The following CCNK variants were observed in gnomAD, a reference collection of about 807,000 sequenced individuals.
The protein encoded by CCNK is cyclin K.
CCNK carries 9 observed loss-of-function variants against 65.0 expected under a neutral mutation model. The observed-to-expected ratio is 0.14, with a 90% CI of 0.08 to 0.24. The LOEUF is 0.24. Ranked by LOEUF, CCNK falls within the 10% of genes least tolerant of loss-of-function variation. CCNK has a pLI of 1.00. For synonymous variants in CCNK, 279 were observed against 270.8 expected (o/e 1.03, Z -0.30); for missense variants, 474 against 720.0 (o/e 0.66, Z 3.91).
Position 99,502,373 on chromosome 14 carries a change from G to A in CCNK, c.742G>A (p.Glu248Lys). The A allele has an allele frequency of 6.2e-7, 1 of 1,613,536 alleles. No individual in the cohort carries two copies. The highest frequency in any genetic ancestry group is 8.5e-7 in the Non-Finnish European group (1 of 1,179,716). Residue 248 changes from glutamate to lysine, a missense_variant, in exon 7 of 11, where the codon GAA becomes AAA. Glu to Lys is a moderately conservative substitution (Grantham distance 56). Coordinates refer to ENST00000389879, the MANE Select transcript of CCNK (RefSeq NM_001099402.2). ...FVQDVPVDVL[E>K]DICHQILDLY... is the part of the protein sequence containing the mutation. Reference sequence around the variant, plus strand: ...TCAAGATGTCCCGGTCGACGTTTTGGAAGGTACCAGGCATGCTAAGCGTTC... The same window carrying A: ...TCAAGATGTCCCGGTCGACGTTTTGAAAGGTACCAGGCATGCTAAGCGTTC...
intron 9 of CCNK, chr14:99,506,329 G>C (rs1377396518): frequency 2.6e-5 from 4 of 152,250 alleles, no homozygotes; most frequent in Non-Finnish European, 5.9e-5. Flanking sequence ...AGAAAAATAG[G>C]GTTCTTTTTC....
chr14:99,503,006 C>G (rs897973962), intron 8 of CCNK, 22 bp downstream of exon 8: 23 of 1,613,580 alleles, frequency 1.4e-5, no homozygotes, highest in Non-Finnish European at 1.8e-5. Context: ...AAAGCAGGCC[C>G]TGGGTAGAGC....
rs1438549026 is a variant in CCNK, at chr14:99,510,520, TCCC to T, written c.1485_1487del (p.Pro497del). 18 of 367,402 alleles carry T rather than the reference TCCC, an allele frequency of 4.9e-5. No individual in the cohort carries two copies. The East Asian group carries it at 2.2e-3, about 46-fold the overall frequency. The allele number at this position is 367,402 out of a possible 1,614,324, so 22.8% of individuals were successfully genotyped here. A position where few individuals can be genotyped will look rare whatever the true frequency, so the allele number is the denominator to read the frequency against. On this transcript the variant is annotated inframe_deletion, in exon 11 of 11. Transcript: ENST00000389879. Reference sequence around the variant, plus strand: ...CCTGTGCCTCCTCCCCCAGCCTCCTTCCCCCCACCTGCCATCCCACCCCCTACT... The same window carrying T: ...CCTGTGCCTCCTCCCCCAGCCTCCTTCCCACCTGCCATCCCACCCCCTACT...
At position 99,492,653 on chromosome 14, in the gene CCNK, G is replaced by A; in HGVS notation, c.-25G>A. On this transcript the variant is annotated 5_prime_UTR_variant, in exon 2 of 11. Coordinates refer to ENST00000389879, the MANE Select transcript of CCNK (RefSeq NM_001099402.2). Reference sequence around the variant, plus strand: ...TTCTAACATTTTCAGAGAACCTTTTGGAAAGAACAAGCCTACTTCAATAAA... The same window carrying A: ...TTCTAACATTTTCAGAGAACCTTTTAGAAAGAACAAGCCTACTTCAATAAA... 1 of 1,567,742 alleles carries A rather than the reference G, an allele frequency of 6.4e-7. No homozygotes were observed. Among genetic ancestry groups the A allele is most frequent in the South Asian group, 1.2e-5 (1 of 83,232 alleles).
chr14:99,481,741 GCAGT>G (rs2139840788), intron 1 of CCNK: 1 of 364,168 alleles, frequency 2.7e-6, no homozygotes, highest in Non-Finnish European at 4.9e-6. Flanking sequence ...GCACTGGGGG[GCAGT>G]CAGAGTTGGG....
At position 99,502,305 on chromosome 14, in the gene CCNK, G is replaced by C; in HGVS notation, c.674G>C (p.Trp225Ser). The change falls in exon 7 of 11, where the codon TGG (tryptophan) becomes TCG (serine). Residue 225 changes from tryptophan (W) to serine (S), a missense_variant. Transcript: ENST00000389879. The part of the protein sequence containing the change: ...GRLCKFEIQE[W>S]TSKPMYRRWW... ...TTGTGCAAATTTGAAATACAAGAAT[G>C]GACCTCCAAACCCATGTATAGGAGA... 1 of 1,613,166 alleles carries C rather than the reference G, an allele frequency of 6.2e-7. No homozygotes were observed. The highest frequency in any genetic ancestry group is 8.5e-7 in the Non-Finnish European group (1 of 1,179,664).
chr14:99,501,787 G>A (rs1290888992), intron 6 of CCNK: 7 of 235,424 alleles, frequency 3.0e-5, no homozygotes, highest in Non-Finnish European at 5.7e-5. Flanking sequence ...ATCTAATGAG[G>A]GGCCGTGGTG....
chr14:99,491,209 G>A (rs942150009), intron 1 of CCNK, among the ~76,000 whole-genome samples: 1 of 152,158 alleles, frequency 6.6e-6, no homozygotes, highest in African/African-American at 2.4e-5. Flanking sequence ...TTGTTTCATA[G>A]TTGTGACATT....
At chr14:99,508,115 G>GT (rs1425345488) in intron 10 of CCNK, 7 of 152,224 alleles carry the variant, frequency 4.6e-5, no homozygotes, top group Non-Finnish European at 5.9e-5. Context: ...CTGTGTGCCC[G>GT]TAACAGATGT....
chr14:99,510,265 CTGTGCACCAGCCACCG>C lies in CCNK; in HGVS notation c.1227_1242del (p.Val410ArgfsTer15). ...ATTCCCCCTCCGGCCCACCCGGCCC[CTGTGCACCAGCCACCG>C]CCGCTGCCACACCGGCCCCCGCCCC... On this transcript the variant is annotated frameshift_variant, in exon 11 of 11. Coordinates refer to ENST00000389879, the MANE Select transcript of CCNK (RefSeq NM_001099402.2). LOFTEE classifies it high-confidence loss of function. 1 of 1,560,586 alleles carries C rather than the reference CTGTGCACCAGCCACCG, an allele frequency of 6.4e-7. No individual in the cohort carries two copies. Among genetic ancestry groups the C allele is most frequent in the Non-Finnish European group, 8.6e-7 (1 of 1,156,634 alleles).
rs770684214 is a variant in CCNK, at chr14:99,493,494, G to A, written c.198-20G>A. The stretch of plus-strand genomic sequence containing the variant: ...TAACCTGTAAAAGTTATTGGTTAGA[G>A]TCCTTAACCAGAACAACAGACACTA... On this transcript the variant is annotated intron_variant, in intron 2 of 10. Coordinates refer to ENST00000389879, the MANE Select transcript of CCNK (RefSeq NM_001099402.2). 1 of 1,551,944 alleles carries A rather than the reference G, an allele frequency of 6.4e-7. No homozygotes were observed. Among genetic ancestry groups the A allele is most frequent in the East Asian group, 2.2e-5 (1 of 44,494 alleles).
chr14:99,499,444 G>A (rs1185750102), intron 4 of CCNK, among the ~76,000 whole-genome samples: 1 of 152,176 alleles, frequency 6.6e-6, no homozygotes, highest in East Asian at 1.9e-4. Context: ...ATGTAATTTG[G>A]AATAATAATT....
At chr14:99,503,710 C>A in intron 9 of CCNK, 66 bp downstream of exon 9, 1 of 1,363,356 alleles carries the variant, frequency 7.3e-7, no homozygotes, top group Non-Finnish European at 1.0e-6. Context: ...AATTCTTAGC[C>A]AACATTGTTT....
intron 1 of CCNK, among the ~76,000 whole-genome samples, chr14:99,483,185 A>G (rs8015304): frequency 0.46 from 70,238 of 151,920 alleles, 17,231 homozygotes; most frequent in Non-Finnish European, 0.56. Context: ...TTGTTGGAAG[A>G]GCCAACAAGT....
intron 1 of CCNK, chr14:99,492,116 G>A (rs1896609805): frequency 6.6e-6 from 1 of 152,424 alleles, no homozygotes. Context: ...GATTTGTGCA[G>A]ATGTGAATTA....
At chr14:99,503,469 A>G (rs1179807340) in intron 8 of CCNK, 142 bp from the exon 9 acceptor site, 2 of 671,808 alleles carry the variant, frequency 3.0e-6, no homozygotes, top group Non-Finnish European at 5.2e-6. Flanking sequence ...GTTTGCCCTG[A>G]AAGTTCAGGC....
chr14:99,507,170 T>C, intron 10 of CCNK, 23 bp downstream of exon 10: 1 of 1,451,314 alleles, frequency 6.9e-7, no homozygotes, highest in Non-Finnish European at 9.7e-7. Flanking sequence ...TGAAGCAGCT[T>C]GGCCAGCTGT....
chr14:99,492,639 T>C lies in CCNK; in HGVS notation c.-39T>C. 1 of 1,542,658 alleles carries C rather than the reference T, an allele frequency of 6.5e-7. No homozygotes were observed. The highest frequency in any genetic ancestry group is 2.3e-5 in the East Asian group (1 of 43,900). On this transcript the variant is annotated 5_prime_UTR_variant, in exon 2 of 11. Coordinates refer to ENST00000389879, the MANE Select transcript of CCNK (RefSeq NM_001099402.2). Reference sequence around the variant, plus strand: ...TCTTTCTCATAGGATTCTAACATTTTCAGAGAACCTTTTGGAAAGAACAAG... The same window carrying C: ...TCTTTCTCATAGGATTCTAACATTTCCAGAGAACCTTTTGGAAAGAACAAG...
chr14:99,502,203 C>T lies in CCNK; in HGVS notation c.576-4C>T. On this transcript the variant is annotated splice_region_variant and splice_polypyrimidine_tract_variant and intron_variant, in intron 6 of 10. Transcript: ENST00000389879. ...TCTAACCTTTTTTTTTCTTGTTGAA[C>T]TAGTCTCTGCACCACCTTGTCACTG... 6 of 1,572,918 alleles carry T rather than the reference C, an allele frequency of 3.8e-6. No individual in the cohort carries two copies. The highest frequency in any genetic ancestry group is 5.2e-6 in the Non-Finnish European group (6 of 1,159,114).
Sources: gnomAD v4.1 joint callset for allele counts (sites outside exome capture counted in the v4.1 genomes callset) on GRCh38, gnomAD v4.1.1 for gene constraint, MANE v1.5 for transcripts, NCBI Gene and HGNC (gene_info 2026-07-23, HGNC 2026-07-21) for gene names.